The following SUPT3H variants were observed in gnomAD, a reference collection of about 807,000 sequenced individuals.
SUPT3H encodes transcription initiation protein SPT3 homolog.
A neutral mutation model predicts 44.3 loss-of-function variants in SUPT3H; 44 were observed. The ratio of observed to expected loss-of-function variants is 0.99; its 90% CI spans 0.78 to 1.28. The LOEUF is 1.28. SUPT3H is among the 50% of genes most tolerant of loss of function. SUPT3H has a pLI of 0.00. For synonymous variants in SUPT3H, 124 were observed against 125.6 expected (o/e 0.99, Z 0.09); for missense variants, 380 against 387.1 (o/e 0.98, Z 0.15).
At chr6:44,953,494 A>G (rs1258931973) in intron 8 of SUPT3H, 77 bp from the exon 9 acceptor site, 1 of 1,131,908 alleles carries the variant, frequency 8.8e-7, no homozygotes, top group Non-Finnish European at 1.3e-6. Flanking sequence ...CCTAAAAGCA[A>G]TACATTCTGA....
In SUPT3H at chr6:45,042,182, G is replaced by T. The variant is rs564698606; in HGVS notation, c.187-21550C>A. The stretch of plus-strand genomic sequence containing the variant: ...TCACACCTATAATCCCAGCACTTTG[G>T]GAGGCCGAGGCAGGCTGATCATCTG... On this transcript the variant is annotated intron_variant, in intron 3 of 10. Coordinates refer to ENST00000371459, the MANE Select transcript of SUPT3H (RefSeq NM_003599.4). Among the ~76,000 whole-genome samples, 236 of 152,240 alleles carry T rather than the reference G, an allele frequency of 1.6e-3. 2 individuals are homozygous for T. The highest frequency in any genetic ancestry group is 5.3e-3 in the African/African-American group (220 of 41,554).
intron 10 of SUPT3H, among the ~76,000 whole-genome samples, chr6:44,839,317 T>A (rs1238466041): frequency 8.4e-6 from 1 of 118,898 alleles, no homozygotes; most frequent in Admixed American, 8.1e-5. Context: ...TTCACTATTA[T>A]TATTATTTTT....
Position 45,063,162 on chromosome 6 carries a change from C to G in SUPT3H, c.187-42530G>C, listed in dbSNP as rs1334765490. On this transcript the variant is annotated intron_variant, in intron 3 of 10. Coordinates refer to ENST00000371459, the MANE Select transcript of SUPT3H (RefSeq NM_003599.4). ...AAGTGGGTCCCTGACCCCTGACCCC[C>G]GAGCAGCCTAACTGGGAGGCACCCC... 2.5e-4 allele frequency among the ~76,000 whole-genome samples: 36 copies of G among 145,306 alleles called. 1 individual carries two copies. Among genetic ancestry groups the G allele is most frequent in the African/African-American group, 8.6e-4 (33 of 38,352 alleles).
At chr6:45,285,437 T>C (rs1779054797) in intron 2 of SUPT3H, among the ~76,000 whole-genome samples, 1 of 152,160 alleles carries the variant, frequency 6.6e-6, no homozygotes, top group African/African-American at 2.4e-5. Flanking sequence ...CAAGCATTCT[T>C]ATACACCAAT....
intron 2 of SUPT3H, among the ~76,000 whole-genome samples, chr6:45,290,004 T>C (rs1283665242): frequency 6.6e-6 from 1 of 151,930 alleles, no homozygotes; most frequent in Admixed American, 6.6e-5. Flanking sequence ...GCAACAGAGA[T>C]GCCATCTTTA....
rs1772434647 is a variant in SUPT3H at position 44,849,232 on chromosome 6, T to TTTC, written c.913-19376_913-19375insGAA. Among the ~76,000 whole-genome samples, 18 of 141,330 alleles carry TTTC rather than the reference T, an allele frequency of 1.3e-4. No homozygotes were observed. In the South Asian group the frequency reaches 4.1e-3, roughly 32 times the overall value. The allele number at this position is 141,330 out of a possible 152,430, so 92.7% of individuals were successfully genotyped here. A position where few individuals can be genotyped will look rare whatever the true frequency, so the allele number is the denominator to read the frequency against. ...CTACAAATGAATACTTTTTTTTTTT[T>TTTC]TTTTTTTTTTTTGAGACGGAGTCTC... On this transcript the variant is annotated intron_variant, in intron 10 of 10. Coordinates refer to ENST00000371459, the MANE Select transcript of SUPT3H (RefSeq NM_003599.4).
intron 2 of SUPT3H, among the ~76,000 whole-genome samples, chr6:45,338,823 C>T (rs1180648003): frequency 6.6e-6 from 1 of 152,028 alleles, no homozygotes; most frequent in African/African-American, 2.4e-5. Context: ...GCATCCAGGG[C>T]ACAAAATTTA....
At chr6:44,971,454 C>CA (rs1395319638) in intron 6 of SUPT3H, among the ~76,000 whole-genome samples, 1 of 152,138 alleles carries the variant, frequency 6.6e-6, no homozygotes, top group East Asian at 1.9e-4. Context: ...GAAGCAAACA[C>CA]ATCCTTCTTC....
intron 2 of SUPT3H, among the ~76,000 whole-genome samples, chr6:45,174,234 G>C (rs1179670338): frequency 6.6e-6 from 1 of 152,148 alleles, no homozygotes; most frequent in South Asian, 2.1e-4. Context: ...TCCCATTAAC[G>C]TTCTACGTAA....
chr6:45,195,239 G>A (rs1399426163), intron 2 of SUPT3H, among the ~76,000 whole-genome samples: 1 of 152,166 alleles, frequency 6.6e-6, no homozygotes, highest in East Asian at 1.9e-4. Flanking sequence ...AAAAGTCACA[G>A]GAAATTGTGT....
chr6:45,271,021 T>C (rs1278119422), intron 2 of SUPT3H, among the ~76,000 whole-genome samples: 1 of 152,170 alleles, frequency 6.6e-6, no homozygotes, highest in African/African-American at 2.4e-5. Flanking sequence ...AGAGAGATAA[T>C]TTAGGGTATC....
At chr6:45,040,155 T>C (rs1195232389) in intron 3 of SUPT3H, among the ~76,000 whole-genome samples, 1 of 152,122 alleles carries the variant, frequency 6.6e-6, no homozygotes, top group Non-Finnish European at 1.5e-5. Flanking sequence ...AACCCCAAGG[T>C]TGTGGCATGA....
At chr6:45,020,478 T>C in intron 4 of SUPT3H, 68 bp downstream of exon 4, 6 of 1,180,142 alleles carry the variant, frequency 5.1e-6, no homozygotes, top group East Asian at 2.4e-5. Context: ...CAAGGATATA[T>C]AGTTTCCACA....
chr6:44,854,228 T>C (rs1773374336), intron 10 of SUPT3H, among the ~76,000 whole-genome samples: 1 of 152,166 alleles, frequency 6.6e-6, no homozygotes, highest in South Asian at 2.1e-4. Flanking sequence ...AATGATTTTT[T>C]TTGTCTTGTT....
At chr6:44,912,951 T>C (rs1767285972) in intron 10 of SUPT3H, among the ~76,000 whole-genome samples, 1 of 152,164 alleles carries the variant, frequency 6.6e-6, no homozygotes, top group African/African-American at 2.4e-5. Context: ...TTATTGTCGA[T>C]TCATTGATTG....
At chr6:45,127,781 G>A (rs1802664507) in intron 2 of SUPT3H, among the ~76,000 whole-genome samples, 1 of 151,830 alleles carries the variant, frequency 6.6e-6, no homozygotes, top group Non-Finnish European at 1.5e-5. Context: ...ATCTTCTTAA[G>A]GTAGAGGAAA....
At chr6:45,106,832 G>A (rs947871242) in intron 2 of SUPT3H, among the ~76,000 whole-genome samples, 11 of 152,110 alleles carry the variant, frequency 7.2e-5, no homozygotes, top group African/African-American at 1.9e-4. Flanking sequence ...CACCACGCCC[G>A]CCTTGTACAG....
In SUPT3H at chr6:45,343,281, G is replaced by A. The variant is rs539504370; in HGVS notation, c.101+21920C>T. On this transcript the variant is annotated intron_variant, in intron 2 of 10. Transcript: ENST00000371459. Reference sequence around the variant, plus strand: ...TCCCAGCACTTTGGGAGGCCGAGGCGGGCAGACCAAGAAGATCAAGACCAT... The same window carrying A: ...TCCCAGCACTTTGGGAGGCCGAGGCAGGCAGACCAAGAAGATCAAGACCAT... Among the ~76,000 whole-genome samples the A allele has an allele frequency of 7.2e-5, 11 of 152,108 alleles. No individual in the cohort carries two copies. In the South Asian group the frequency reaches 8.3e-4, roughly 11 times the overall value.
intron 10 of SUPT3H, among the ~76,000 whole-genome samples, chr6:44,898,420 G>A (rs1764434222): frequency 6.6e-6 from 1 of 152,082 alleles, no homozygotes; most frequent in African/African-American, 2.4e-5. Context: ...ATGGAAAACT[G>A]AGGCCCCCAG....
Sources: gnomAD v4.1 joint callset for allele counts (sites outside exome capture counted in the v4.1 genomes callset) on GRCh38, gnomAD v4.1.1 for gene constraint, MANE v1.5 for transcripts, NCBI Gene and HGNC (gene_info 2026-07-23, HGNC 2026-07-21) for gene names.